Variants in DAB1 observed in about 807,000 individuals in gnomAD.
The protein encoded by DAB1 is DAB adaptor protein 1.
In DAB1, 15 loss-of-function variants were observed where a neutral mutation model predicts 64.6. The ratio of observed to expected loss-of-function variants is 0.23; its 90% CI spans 0.16 to 0.36. The LOEUF is 0.36. Among genes scored for constraint, DAB1 ranks in the 10% least tolerant of loss-of-function variants. The probability of loss-of-function intolerance (pLI) is 1.00; values close to 1 mark genes in which losing one functional copy is unlikely to be tolerated. For missense variants in DAB1, 596 were observed against 706.7 expected (o/e 0.84, Z 1.78); for synonymous variants, 235 against 251.9 (o/e 0.93, Z 0.64).
At chr1:58,415,326 T>C (rs1243211065) in intron 3 of DAB1, 1 of 214,908 alleles carries the variant, frequency 4.7e-6, no homozygotes, top group African/African-American at 2.3e-5. Flanking sequence ...GACTATGATA[T>C]TTGGTTATAG....
intron 5 of DAB1, chr1:58,048,392 C>A: frequency 1.1e-6 from 1 of 929,896 alleles, no homozygotes; most frequent in South Asian, 1.3e-5. Flanking sequence ...GCTTCCACTG[C>A]CACTGCCAAA....
intron 6 of DAB1, among the ~76,000 whole-genome samples, chr1:57,719,039 A>T (rs1367282200): frequency 6.6e-6 from 1 of 152,206 alleles, no homozygotes; most frequent in Admixed American, 6.5e-5. Context: ...ATTATGCATC[A>T]ACAAAAATAT....
chr1:57,736,329 C>T (rs1475758772), intron 6 of DAB1, among the ~76,000 whole-genome samples: 4 of 152,108 alleles, frequency 2.6e-5, no homozygotes, highest in Non-Finnish European at 5.9e-5. Context: ...AAGCAAACTC[C>T]CATTATGGTT....
At chr1:57,326,866 CA>C (rs1301249562) in intron 1 of DAB1, among the ~76,000 whole-genome samples, 1 of 152,094 alleles carries the variant, frequency 6.6e-6, no homozygotes, top group Admixed American at 6.5e-5. Context: ...CTTAGGGCTT[CA>C]ACACAGGAAT....
chr1:58,209,227 T>C (rs1223619087), intron 4 of DAB1, among the ~76,000 whole-genome samples: 3 of 152,284 alleles, frequency 2.0e-5, no homozygotes, highest in Middle Eastern at 6.8e-3. Flanking sequence ...AGGTTGGAGT[T>C]CTCCTAGTAG....
chr1:57,930,758 T>TG (rs1309588597), intron 5 of DAB1, among the ~76,000 whole-genome samples: 3 of 152,206 alleles, frequency 2.0e-5, no homozygotes, highest in African/African-American at 7.2e-5. Flanking sequence ...GAAGATTTTT[T>TG]GTCAATTCTT....
chr1:57,952,269 A>G (rs1343908507), intron 5 of DAB1, among the ~76,000 whole-genome samples: 1 of 152,156 alleles, frequency 6.6e-6, no homozygotes, highest in Non-Finnish European at 1.5e-5. Flanking sequence ...TGGGAGTATG[A>G]TGGGGAAGAG....
chr1:58,518,354 G>A (rs147589561), intron 2 of DAB1, among the ~76,000 whole-genome samples: 5,723 of 31,692 alleles, frequency 0.18, 1,329 homozygotes, highest in East Asian at 0.56. Flanking sequence ...AGAAGAGAAG[G>A]GAAGGGAAGA....
chr1:58,522,336 G>A (rs899180561), intron 2 of DAB1, among the ~76,000 whole-genome samples: 1 of 152,014 alleles, frequency 6.6e-6, no homozygotes, highest in African/African-American at 2.4e-5. Flanking sequence ...AAGAAAAAGT[G>A]CAGAAAATGC....
rs1229413978 is a variant in DAB1 at position 57,461,986 on chromosome 1, C to T, written n.626-170820G>A. ...TTTTTTTTTTTACACAAAGTCTTGT[C>T]CTTGTCCCCCAGGCTCGAGTGCAAT... On this transcript the variant is annotated intron_variant and non_coding_transcript_variant, in intron 7 of 20. Transcript: ENST00000485760. Among the ~76,000 whole-genome samples, 3 of 118,492 alleles carry T rather than the reference C, an allele frequency of 2.5e-5. No individual in the cohort carries two copies. The Admixed American group carries it at 3.3e-4, about 13-fold the overall frequency. 77.7% of individuals were successfully genotyped at this position (118,492 alleles called of 152,430 possible).
intron 1 of DAB1, among the ~76,000 whole-genome samples, chr1:57,405,322 T>C (rs1169864155): frequency 2.6e-5 from 4 of 152,172 alleles, no homozygotes; most frequent in African/African-American, 9.7e-5. Context: ...CAGAAATAAA[T>C]GAAGGCCAAT....
intron 4 of DAB1, among the ~76,000 whole-genome samples, chr1:58,261,989 G>A (rs571792452): frequency 1.3e-3 from 198 of 152,270 alleles, no homozygotes; most frequent in Admixed American, 3.5e-3. Flanking sequence ...TCCAAGCAAC[G>A]GAGTCTGAAA....
intron 4 of DAB1, among the ~76,000 whole-genome samples, chr1:58,209,868 G>GA (rs528564817): frequency 3.2e-4 from 49 of 151,576 alleles, no homozygotes; most frequent in East Asian, 5.8e-4. Flanking sequence ...ATTAGAAAAT[G>GA]AAAAAAAATA....
intron 3 of DAB1, chr1:58,473,886 A>G (rs1317933312): frequency 1.2e-6 from 1 of 831,802 alleles, no homozygotes; most frequent in East Asian, 6.3e-5. Context: ...ACTCCGACAG[A>G]TTTCTGTGTT....
At chr1:58,288,541 C>T (rs1375134709) in intron 4 of DAB1, among the ~76,000 whole-genome samples, 1 of 152,206 alleles carries the variant, frequency 6.6e-6, no homozygotes, top group Non-Finnish European at 1.5e-5. Context: ...TAAAGATCTA[C>T]TTCTTGAGCA....
chr1:57,084,997 C>T (rs779592740), intron 4 of DAB1, among the ~76,000 whole-genome samples: 17 of 152,148 alleles, frequency 1.1e-4, no homozygotes, highest in Admixed American at 3.3e-4. Flanking sequence ...AGCACCAAAT[C>T]GCCCCCTTTT....
At chr1:58,438,828 C>A (rs1282196361) in intron 3 of DAB1, among the ~76,000 whole-genome samples, 1 of 152,212 alleles carries the variant, frequency 6.6e-6, no homozygotes, top group African/African-American at 2.4e-5. Flanking sequence ...TCTAACTTGG[C>A]TTCTTCCTGT....
At chr1:57,350,041 C>T (rs920834479) in intron 1 of DAB1, among the ~76,000 whole-genome samples, 2 of 152,254 alleles carry the variant, frequency 1.3e-5, no homozygotes, top group African/African-American at 4.8e-5. Flanking sequence ...TCTCAAATGG[C>T]CACATTGCCA....
At chr1:58,356,754 C>T (rs6587810) in intron 3 of DAB1, among the ~76,000 whole-genome samples, 70,212 of 151,846 alleles carry the variant, frequency 0.46, 16,705 homozygotes, top group East Asian at 0.59. Flanking sequence ...GGTGCTGTGG[C>T]TCATGTCTGT....
Sources: allele counts gnomAD v4.1 joint callset (sites outside exome capture counted in the v4.1 genomes callset), GRCh38; gene constraint gnomAD v4.1.1; transcripts MANE v1.5; gene names NCBI Gene and HGNC (gene_info 2026-07-23, HGNC 2026-07-21).